The following MEGF6 variants were observed in gnomAD, a reference collection of about 807,000 sequenced individuals.
MEGF6 encodes the protein multiple epidermal growth factor-like domains protein 6.
MEGF6 carries 184 observed loss-of-function variants against 207.1 expected under a neutral mutation model. That is an observed-to-expected ratio of 0.89 (90% CI 0.79 to 1.00). The LOEUF (loss-of-function observed/expected upper bound fraction) is 1.00, where lower values mean the gene tolerates loss of function less well. MEGF6 is among the 50% of genes least tolerant of loss of function. The probability of loss-of-function intolerance (pLI) is 0.00; values close to 1 mark genes in which losing one functional copy is unlikely to be tolerated. For missense variants in MEGF6, 2,282 were observed against 2,202.9 expected (o/e 1.04, Z -0.72); for synonymous variants, 1,038 against 910.0 (o/e 1.14, Z -2.53).
intron 4 of MEGF6, among the ~76,000 whole-genome samples, chr1:3,538,906 A>G (rs1642417820): frequency 6.6e-6 from 1 of 152,188 alleles, no homozygotes; most frequent in Admixed American, 6.5e-5. Context: ...TTGCTGGGAC[A>G]TCAGAGCTGC....
chr1:3,602,321 T>A, intron 2 of MEGF6, 145 bp downstream of exon 2: 1 of 1,263,982 alleles, frequency 7.9e-7, no homozygotes. Context: ...AGAGGCCTCA[T>A]GCTCAGATGA....
In MEGF6 at chr1:3,497,235, T is replaced by G. The variant is rs1047360861; in HGVS notation, c.3479A>C (p.Gln1160Pro). ...PPGFTGSGCE[Q>P]ACPPGSFGED... ...GGTGGGGGCTTGGGAGCACCTACCC[T>G]GCTCGCAGCCGGAGCCAGTGAAGCC... is the stretch of plus-strand genomic sequence containing the variant. The change falls in exon 27 of 37, where the codon CAG becomes CCG. Residue 1160 changes from glutamine (Q) to proline (P), a missense_variant and splice_region_variant. Transcript: ENST00000356575. 2 of 1,493,514 alleles carry G rather than the reference T, an allele frequency of 1.3e-6. No homozygotes were observed. Among genetic ancestry groups the G allele is most frequent in the African/African-American group, 2.9e-5 (2 of 69,758 alleles). 92.5% of individuals were successfully genotyped at this position (1,493,514 alleles called of 1,614,324 possible).
intron 32 of MEGF6, 114 bp from the exon 33 acceptor site, chr1:3,494,238 C>A (rs940649265): frequency 7.9e-5 from 116 of 1,465,322 alleles, no homozygotes; most frequent in Non-Finnish European, 1.0e-4. Context: ...CCCTCCTGCC[C>A]GTCCTCGTCC....
the MEGF6 span, among the ~76,000 whole-genome samples, chr1:3,616,649 G>A: frequency 2.0e-3 from 308 of 152,304 alleles, 1 homozygote; most frequent in Middle Eastern, 6.8e-3. Context: ...CACCAAATAC[G>A]TAACTGAGTC....
chr1:3,581,124 C>T (rs879312617), intron 3 of MEGF6, among the ~76,000 whole-genome samples: 24 of 152,174 alleles, frequency 1.6e-4, no homozygotes, highest in Admixed American at 1.4e-3. Context: ...GAGCCATGAC[C>T]GGCTCGGGCT....
At chr1:3,616,551 ACGGGGGTGAGAGAGGGGGTGGGAGGC>A in the MEGF6 span, among the ~76,000 whole-genome samples, 4 of 152,120 alleles carry the variant, frequency 2.6e-5, no homozygotes, top group African/African-American at 9.7e-5. Flanking sequence ...ATGGCCAGAG[ACGGGGGTGAGAGAGGGGGTGGGAGGC>A]CGGGGGTGAG....
At chr1:3,514,438 G>T in intron 7 of MEGF6, 112 bp downstream of exon 7, 1 of 1,358,078 alleles carries the variant, frequency 7.4e-7, no homozygotes, top group Non-Finnish European at 9.7e-7. Flanking sequence ...CAAGGCCAAA[G>T]GGCCTGGTCT....
chr1:3,545,767 C>T (rs78193450), intron 4 of MEGF6, among the ~76,000 whole-genome samples: 5,424 of 152,300 alleles, frequency 0.036, 262 homozygotes, highest in East Asian at 0.23. Flanking sequence ...CTCACTGAGC[C>T]GGGGCTCCCA....
chr1:3,561,736 G>A (rs1389826132), intron 4 of MEGF6, among the ~76,000 whole-genome samples: 1 of 152,204 alleles, frequency 6.6e-6, no homozygotes, highest in Non-Finnish European at 1.5e-5. Context: ...TGGGGTGGCG[G>A]GGCACACGGC....
In MEGF6 at chr1:3,510,809, A is replaced by G; in HGVS notation, c.1208T>C (p.Leu403Pro). The change falls in exon 10 of 37, where the codon CTC becomes CCC. Residue 403 changes from leucine to proline, a missense_variant. Leu to Pro is a moderately conservative substitution (Grantham distance 98, BLOSUM62 -3). Transcript: ENST00000356575. ...YECGCYAGYR[L>P]SADGCGCEDV... ...CTCACAGCCGCAGCCATCGGCACTG[A>G]GCCGGTAGCCGGCGTAGCAGCCGCA... The G allele has an allele frequency of 6.2e-7, 1 of 1,609,764 alleles. No individual in the cohort carries two copies. The highest frequency in any genetic ancestry group is 1.1e-5 in the South Asian group (1 of 90,984).
Position 3,611,003 on chromosome 1 carries a change from C to G in MEGF6, c.131+135G>C, listed in dbSNP as rs1644317394. On this transcript the variant is annotated intron_variant, in intron 1 of 36. Transcript: ENST00000356575. Reference sequence around the variant, plus strand: ...TGGAGCCCTGTGTCTCAGCCACCTCCTCCCCAGTTAACGCAAACAGCCCAT... The same window carrying G: ...TGGAGCCCTGTGTCTCAGCCACCTCGTCCCCAGTTAACGCAAACAGCCCAT... The G allele has an allele frequency of 1.8e-5, 22 of 1,192,974 alleles. No individual in the cohort carries two copies. In the South Asian group the frequency reaches 3.9e-4, roughly 21 times the overall value. 73.9% of individuals were successfully genotyped at this position (1,192,974 alleles called of 1,614,324 possible).
At chr1:3,551,873 C>T (rs1292944899) in intron 4 of MEGF6, among the ~76,000 whole-genome samples, 3 of 152,206 alleles carry the variant, frequency 2.0e-5, no homozygotes, top group Non-Finnish European at 2.9e-5. Flanking sequence ...ACCCCTGTCA[C>T]CTCCCAATTC....
At chr1:3,498,189 C>T (rs577287955) in intron 26 of MEGF6, among the ~76,000 whole-genome samples, 182 bp downstream of exon 26, 91 of 152,304 alleles carry the variant, frequency 6.0e-4, no homozygotes, top group Non-Finnish European at 1.0e-3. Context: ...CACAGGCCAG[C>T]TTCCTAGGCT....
At chr1:3,562,587 T>C (rs1486782362) in intron 4 of MEGF6, among the ~76,000 whole-genome samples, 4 of 152,212 alleles carry the variant, frequency 2.6e-5, no homozygotes, top group East Asian at 3.9e-4. Flanking sequence ...TCAAGAAGAA[T>C]AAGAATCTGG....
At chr1:3,508,866 A>G (rs2794358) in intron 12 of MEGF6, among the ~76,000 whole-genome samples, 177 bp from the exon 13 acceptor site, 64,654 of 152,090 alleles carry the variant, frequency 0.43, 15,866 homozygotes, top group East Asian at 0.68. Flanking sequence ...CCTAACCTGG[A>G]AGCTGTGAGC....
intron 10 of MEGF6, among the ~76,000 whole-genome samples, chr1:3,510,245 G>A (rs1641288232): frequency 6.6e-6 from 1 of 152,164 alleles, no homozygotes; most frequent in African/African-American, 2.4e-5. Context: ...CCAGGCAGCA[G>A]CCAGGGGGAC....
chr1:3,521,028 G>A (rs1462084394), intron 5 of MEGF6, among the ~76,000 whole-genome samples: 2 of 152,148 alleles, frequency 1.3e-5, no homozygotes, highest in African/African-American at 2.4e-5. Context: ...ACTCCAAGCT[G>A]CTAGTGGGGA....
chr1:3,498,989 G>T, intron 24 of MEGF6, 149 bp downstream of exon 24: 1 of 1,402,270 alleles, frequency 7.1e-7, no homozygotes, highest in Non-Finnish European at 9.6e-7. Flanking sequence ...TCCCTGCCTG[G>T]AGAGGGGCAC....
Position 3,497,246 on chromosome 1 carries a change from G to C in MEGF6, c.3468C>G (p.Ser1156=). The C allele has an allele frequency of 6.7e-7, 1 of 1,503,750 alleles. No individual in the cohort carries two copies. The highest frequency in any genetic ancestry group is 2.4e-5 in the Admixed American group (1 of 41,646). 93.2% of individuals were successfully genotyped at this position (1,503,750 alleles called of 1,614,324 possible). ...ACRCPPGFTG[S]GCEQACPPGS... ...GGGAGCACCTACCCTGCTCGCAGCC[G>C]GAGCCAGTGAAGCCAGGGGGACAGC... is the stretch of plus-strand genomic sequence containing the variant. Residue 1156 remains serine, a synonymous_variant, in exon 27 of 37, where the codon TCC becomes TCG. Coordinates refer to ENST00000356575, the MANE Select transcript of MEGF6 (RefSeq NM_001409.4).
Sources: allele counts gnomAD v4.1 joint callset (sites outside exome capture counted in the v4.1 genomes callset), GRCh38; gene constraint gnomAD v4.1.1; transcripts MANE v1.5; gene names NCBI Gene and HGNC (gene_info 2026-07-23, HGNC 2026-07-21).